Variants in CDK5RAP2 observed in about 807,000 individuals in gnomAD.
CDK5RAP2 encodes CDK5 regulatory subunit associated protein 2.
Under a neutral mutation model 232.9 loss-of-function variants are expected in CDK5RAP2, and 147 were observed. The ratio of observed to expected loss-of-function variants is 0.63; its 90% confidence interval spans 0.55 to 0.72. The LOEUF (loss-of-function observed/expected upper bound fraction) is 0.72. Among genes scored for constraint, CDK5RAP2 ranks in the 30% least tolerant of loss-of-function variants. The pLI is 0.00. For missense variants in CDK5RAP2, 2,195 were observed against 2,231.5 expected (o/e 0.98, Z 0.33); for synonymous variants, 833 against 833.7 (o/e 1.00, Z 0.01).
At chr9:120,441,703 T>C (rs541518415) in intron 23 of CDK5RAP2, among the ~76,000 whole-genome samples, 3 of 152,364 alleles carry the variant, frequency 2.0e-5, no homozygotes, top group African/African-American at 7.2e-5. Context: ...TACACTCTTG[T>C]ATCTGTTCAT....
In CDK5RAP2 at chr9:120,415,082, G is replaced by C. The variant is rs1259145455; in HGVS notation, c.4255C>G (p.Leu1419Val). Residue 1419 changes from leucine (L) to valine (V), a missense_variant, in exon 28 of 38, where the codon CTA becomes GTA. Physicochemically the swap from Leu to Val is conservative, Grantham distance 32. Coordinates refer to ENST00000349780, the MANE Select transcript of CDK5RAP2 (RefSeq NM_018249.6). The part of the protein sequence containing the change: ...LEESIKTNEK[L>V]RKQLERQGSE... ...CCTTGCCGTTCCAACTGTTTCCGTA[G>C]CTTCTCATTTGTTTTAATAGATTCT... 17 of 1,614,024 alleles carry C rather than the reference G, an allele frequency of 1.1e-5. No individual in the cohort carries two copies. The highest frequency in any genetic ancestry group is 1.4e-5 in the Non-Finnish European group (17 of 1,179,998).
At chr9:120,482,552 C>G (rs1048692891) in intron 14 of CDK5RAP2, among the ~76,000 whole-genome samples, 2 of 152,152 alleles carry the variant, frequency 1.3e-5, no homozygotes, top group Non-Finnish European at 2.9e-5. Context: ...AGGATCTGCT[C>G]CGGCCAAACC....
chr9:120,521,976 G>C (rs552461085), intron 11 of CDK5RAP2, among the ~76,000 whole-genome samples: 2 of 152,066 alleles, frequency 1.3e-5, no homozygotes, highest in Admixed American at 1.3e-4. Flanking sequence ...TCCCAGTCTC[G>C]GGTATGTCTT....
chr9:120,453,349 G>T, intron 21 of CDK5RAP2, 107 bp downstream of exon 21: 1 of 1,031,720 alleles, frequency 9.7e-7, no homozygotes, highest in Non-Finnish European at 1.4e-6. Flanking sequence ...GGAGACACTG[G>T]ACATTCTTGT....
intron 4 of CDK5RAP2, among the ~76,000 whole-genome samples, chr9:120,546,553 GGGGTTTGGGT>G (rs1238798970): frequency 2.0e-5 from 3 of 152,212 alleles, no homozygotes; most frequent in African/African-American, 7.2e-5. Flanking sequence ...GTAGTAGATG[GGGGTTTGGGT>G]GCATCGTTTG....
chr9:120,524,363 G>A (rs962001696), intron 11 of CDK5RAP2, among the ~76,000 whole-genome samples: 9 of 152,132 alleles, frequency 5.9e-5, no homozygotes, highest in Non-Finnish European at 1.0e-4. Context: ...AAATACGGCC[G>A]GGCGCAGTGG....
At chr9:120,442,844 T>G (rs2035976485) in intron 23 of CDK5RAP2, among the ~76,000 whole-genome samples, 1 of 152,126 alleles carries the variant, frequency 6.6e-6, no homozygotes, top group Non-Finnish European at 1.5e-5. Flanking sequence ...ATACCACAAC[T>G]CAGTATTTTT....
chr9:120,419,570 A>G (rs553763082), intron 27 of CDK5RAP2, among the ~76,000 whole-genome samples: 1 of 152,352 alleles, frequency 6.6e-6, no homozygotes, highest in South Asian at 2.1e-4. Flanking sequence ...CGTCATTTAA[A>G]AAATAAAAAT....
chr9:120,568,020 G>A (rs943114087), intron 3 of CDK5RAP2, among the ~76,000 whole-genome samples: 3 of 152,128 alleles, frequency 2.0e-5, no homozygotes, highest in Non-Finnish European at 4.4e-5. Flanking sequence ...TGCAACATGC[G>A]AACATCCTCA....
chr9:120,408,379 T>C lies in CDK5RAP2; in HGVS notation c.4694A>G (p.Glu1565Gly), dbSNP rs751830557. 3 of 1,614,054 alleles carry C rather than the reference T, an allele frequency of 1.9e-6. No homozygotes were observed. The African/African-American group carries it at 4.0e-5, about 22-fold the overall frequency. The change falls in exon 31 of 38, where the codon GAG (glutamate) becomes GGG (glycine). Residue 1565 changes from glutamate to glycine, a missense_variant. Coordinates refer to ENST00000349780, the MANE Select transcript of CDK5RAP2 (RefSeq NM_018249.6). ...QSLRVELKAY[E>G]KLDEEHRRLR... is the part of the protein sequence containing the mutation. Reference sequence around the variant, plus strand: ...TCTCCTGTGCTCTTCATCCAGCTTCTCATACGCCTTCAGCTCCACTCGGAG... The same window carrying C: ...TCTCCTGTGCTCTTCATCCAGCTTCCCATACGCCTTCAGCTCCACTCGGAG...
intron 27 of CDK5RAP2, among the ~76,000 whole-genome samples, chr9:120,416,223 G>GC (rs2034210089): frequency 6.6e-6 from 1 of 152,186 alleles, no homozygotes; most frequent in African/African-American, 2.4e-5. Context: ...TCCCAAGACT[G>GC]CCCCTCCAAC....
intron 27 of CDK5RAP2, among the ~76,000 whole-genome samples, chr9:120,415,736 T>C (rs2034171978): frequency 6.6e-6 from 1 of 152,228 alleles, no homozygotes; most frequent in Non-Finnish European, 1.5e-5. Context: ...GCTACTTCTA[T>C]ACTTAGCCTT....
chr9:120,518,508 G>A lies in CDK5RAP2; in HGVS notation c.1230C>T (p.Asp410=). 6.2e-7 allele frequency: 1 copy of A among 1,613,750 alleles called. No homozygotes were observed. Among genetic ancestry groups the A allele is most frequent in the Non-Finnish European group, 8.5e-7 (1 of 1,179,970 alleles). ...SIKKITQELS[D]LQQERERLEK... is the part of the protein sequence containing the mutation. ...CCAGTCTCTCCCTCTCCTGCTGCAAGTCACTCAGCTCCTGGGTGATCTTCT... is the reference window on the plus strand; with the variant it reads ...CCAGTCTCTCCCTCTCCTGCTGCAAATCACTCAGCTCCTGGGTGATCTTCT... The change falls in exon 12 of 38, where the codon GAC becomes GAT. Residue 410 remains aspartate, a synonymous_variant. Coordinates refer to ENST00000349780, the MANE Select transcript of CDK5RAP2 (RefSeq NM_018249.6).
chr9:120,486,243 C>T (rs992857685), intron 14 of CDK5RAP2, among the ~76,000 whole-genome samples: 13 of 152,118 alleles, frequency 8.5e-5, no homozygotes, highest in Non-Finnish European at 2.9e-5. Flanking sequence ...GTGCCCGAGT[C>T]TTTTCTGAAG....
intron 5 of CDK5RAP2, among the ~76,000 whole-genome samples, chr9:120,539,491 TA>T (rs1461641124): frequency 3.9e-5 from 6 of 152,226 alleles, no homozygotes; most frequent in African/African-American, 1.2e-4. Context: ...TGTCAATAAA[TA>T]AAAGTCTATA....
At chr9:120,466,200 G>A (rs749362867) in intron 18 of CDK5RAP2, among the ~76,000 whole-genome samples, 2 of 152,144 alleles carry the variant, frequency 1.3e-5, no homozygotes, top group Non-Finnish European at 2.9e-5. Flanking sequence ...GGGAAATGCT[G>A]TGGACAATAT....
chr9:120,419,882 A>C lies in CDK5RAP2; in HGVS notation c.4083T>G (p.Asp1361Glu), dbSNP rs201903477. 17 of 1,613,908 alleles carry C rather than the reference A, an allele frequency of 1.1e-5. No individual in the cohort carries two copies. Among genetic ancestry groups the C allele is most frequent in the Non-Finnish European group, 1.4e-5 (17 of 1,179,762 alleles). The change falls in exon 27 of 38, where the codon GAT becomes GAG. Residue 1361 changes from aspartate (D) to glutamate (E), a missense_variant. Asp to Glu is a conservative substitution (Grantham distance 45, BLOSUM62 2). Transcript: ENST00000349780. The part of the protein sequence containing the change: ...PEPSASHALS[D>E]YETSEKSFFS... ...AGAAGGACTTTTCAGATGTTTCATA[A>C]TCAGAGAGCGCATGAGAGGCTGAAG... is the stretch of plus-strand genomic sequence containing the variant.
chr9:120,402,638 C>T (rs891752869), intron 34 of CDK5RAP2, among the ~76,000 whole-genome samples, 168 bp downstream of exon 34: 2 of 152,172 alleles, frequency 1.3e-5, no homozygotes, highest in African/African-American at 2.4e-5. Context: ...ACAGCCACCA[C>T]CAATAGTTCC....
At chr9:120,524,936 C>G (rs2040833052) in intron 11 of CDK5RAP2, 50 bp downstream of exon 11, 1 of 1,337,120 alleles carries the variant, frequency 7.5e-7, no homozygotes, top group Non-Finnish European at 1.1e-6. Flanking sequence ...CCTCACCTCA[C>G]CAGGGGTCAG....
Sources: allele counts gnomAD v4.1 joint callset (sites outside exome capture counted in the v4.1 genomes callset), GRCh38; gene constraint gnomAD v4.1.1; transcripts MANE v1.5; gene names NCBI Gene and HGNC (gene_info 2026-07-23, HGNC 2026-07-21).